The following F2RL3 variants were observed in gnomAD, a reference collection of about 807,000 sequenced individuals.
F2RL3 encodes F2R like thrombin or trypsin receptor 3, also known as proteinase-activated receptor 4.
In F2RL3, 3 loss-of-function variants were observed where a neutral mutation model predicts 4.9. The observed-to-expected ratio is 0.61, with a 90% confidence interval of 0.28 to 1.58. The LOEUF is 1.58. Among genes scored for constraint, F2RL3 ranks in the 40% most tolerant of loss-of-function variants. The pLI, the probability that F2RL3 is intolerant of heterozygous loss-of-function variation, is 0.11. For missense variants in F2RL3, 564 were observed against 550.4 expected, an observed-to-expected ratio of 1.02 and a Z score of -0.25; for synonymous variants, 284 against 278.4, an observed-to-expected ratio of 1.02 and a Z score of -0.20.
At chr19:16,889,470 T>C in intron 1 of F2RL3, 103 bp from the exon 2 acceptor site, 1 of 1,238,688 alleles carries the variant, frequency 8.1e-7, no homozygotes, top group South Asian at 1.4e-5. Flanking sequence ...CATGTCCAGC[T>C]GTTTCCCACC....
At position 16,890,489 on chromosome 19, in the gene F2RL3, C is replaced by T. The variant is rs762024920; in HGVS notation, c.1026C>T (p.Tyr342=). Residue 342 remains tyrosine, a synonymous_variant, in exon 2 of 2, where the codon TAC becomes TAT. Coordinates refer to ENST00000248076, the MANE Select transcript of F2RL3 (RefSeq NM_003950.4). ...GCGTGGATCCCTTCATCTACTACTACGTGTCGGCCGAGTTCAGGGACAAGG... is the reference window on the plus strand; with the variant it reads ...GCGTGGATCCCTTCATCTACTACTATGTGTCGGCCGAGTTCAGGGACAAGG... ...NSCVDPFIYY[Y]VSAEFRDKVR... The T allele has an allele frequency of 2.0e-5, 32 of 1,612,730 alleles. No homozygotes were observed. Among genetic ancestry groups the T allele is most frequent in the East Asian group, 4.5e-5 (2 of 44,876 alleles).
chr19:16,889,046 TG>T lies in F2RL3; in HGVS notation c.-141del. 1 of 578,290 alleles carries T rather than the reference TG, an allele frequency of 1.7e-6. No homozygotes were observed. The highest frequency in any genetic ancestry group is 2.9e-6 in the Non-Finnish European group (1 of 342,424). 35.8% of individuals were successfully genotyped at this position (578,290 alleles called of 1,614,324 possible). On this transcript the variant is annotated 5_prime_UTR_variant, in exon 1 of 2. Transcript: ENST00000248076. ...CGGGCTGGCTGGCAAGCGGCCCTGGTGGGTCTGCGGGGGCAGGGGCAGCCTT... is the reference window on the plus strand; with the variant it reads ...CGGGCTGGCTGGCAAGCGGCCCTGGTGGTCTGCGGGGGCAGGGGCAGCCTT...
Position 16,889,282 on chromosome 19 carries a change from C to G in F2RL3, c.93C>G (p.Ser31Arg). 1 of 1,594,678 alleles carries G rather than the reference C, an allele frequency of 6.3e-7. No homozygotes were observed. Among genetic ancestry groups the G allele is most frequent in the South Asian group, 1.1e-5 (1 of 87,824 alleles). Residue 31 changes from serine (S) to arginine (R), a missense_variant, in exon 1 of 2, where the codon AGC (serine) becomes AGG (arginine). Coordinates refer to ENST00000248076, the MANE Select transcript of F2RL3 (RefSeq NM_003950.4). ...QTPSVYDESG[S>R]TGGGDDSTPS... ...CCAGCGTCTACGACGAGAGCGGGAG[C>G]ACCGGAGGTGGTGATGGTGAGTGGT...
Position 16,890,085 on chromosome 19 carries a change from G to C in F2RL3, c.622G>C (p.Ala208Pro). ...TGCTTGGCTCATGGCGGCCGCCCTG[G>C]CACTGCCCCTGACACTGCAGCGGCA... ...MAAWLMAAAL[A>P]LPLTLQRQTF... is the part of the protein sequence containing the mutation. Residue 208 changes from alanine (A) to proline (P), a missense_variant, in exon 2 of 2, where the codon GCA (alanine) becomes CCA (proline). By Grantham distance (27) the Ala-to-Pro change is conservative. Coordinates refer to ENST00000248076, the MANE Select transcript of F2RL3 (RefSeq NM_003950.4). 1 of 1,597,290 alleles carries C rather than the reference G, an allele frequency of 6.3e-7. No homozygotes were observed. Among genetic ancestry groups the C allele is most frequent in the Middle Eastern group, 1.7e-4 (1 of 5,974 alleles).
rs771393071 is a variant in F2RL3, at chr19:16,889,565, T to C, written c.110-8T>C. The C allele has an allele frequency of 1.3e-6, 2 of 1,547,342 alleles. No homozygotes were observed. Among genetic ancestry groups the C allele is most frequent in the East Asian group, 2.3e-5 (1 of 44,138 alleles). Reference sequence around the variant, plus strand: ...CAGGGGCTGACTGAGGTCCCCTCTCTCTCCCAGACAGCACGCCCTCAATCC... The same window carrying C: ...CAGGGGCTGACTGAGGTCCCCTCTCCCTCCCAGACAGCACGCCCTCAATCC... On this transcript the variant is annotated splice_polypyrimidine_tract_variant and splice_region_variant and intron_variant, in intron 1 of 1. Coordinates refer to ENST00000248076, the MANE Select transcript of F2RL3 (RefSeq NM_003950.4).
chr19:16,889,896 G>A lies in F2RL3; in HGVS notation c.433G>A (p.Gly145Arg), dbSNP rs749245732. 1.5e-5 allele frequency: 24 copies of A among 1,582,630 alleles called. No individual in the cohort carries two copies. The highest frequency in any genetic ancestry group is 1.1e-4 in the Admixed American group (6 of 56,616). ...YHLRGQRWPF[G>R]EAACRLATAA... ...CCTGCGTGGCCAGCGCTGGCCCTTC[G>A]GGGAGGCCGCCTGCCGCCTGGCCAC... Residue 145 changes from glycine to arginine, a missense_variant, in exon 2 of 2, where the codon GGG (glycine) becomes AGG (arginine). Transcript: ENST00000248076.
In F2RL3 at chr19:16,890,712, A is replaced by G; in HGVS notation, c.*91A>G. 9.9e-7 allele frequency: 1 copy of G among 1,007,460 alleles called. No homozygotes were observed. The highest frequency in any genetic ancestry group is 1.4e-6 in the Non-Finnish European group (1 of 700,826). The allele number at this position is 1,007,460 out of a possible 1,614,324, so 62.4% of individuals were successfully genotyped here. A position where few individuals can be genotyped will look rare whatever the true frequency, so the allele number is the denominator to read the frequency against. ...GACCTCAGAATGTGACCTTATTTGG[A>G]AATAGGGTTGTTACAACTGTCACTA... On this transcript the variant is annotated 3_prime_UTR_variant, in exon 2 of 2. Coordinates refer to ENST00000248076, the MANE Select transcript of F2RL3 (RefSeq NM_003950.4).
At position 16,890,597 on chromosome 19, in the gene F2RL3, C is replaced by T. The variant is rs376378687; in HGVS notation, c.1134C>T (p.Gly378=). ...CGGAAGGGGGCAGCCGGGGCATGGG[C>T]ACCCACTCCTCTTTGCTCCAGTGAC... The part of the protein sequence containing the change: ...ASAEGGSRGM[G]THSSLLQ The change falls in exon 2 of 2, where the codon GGC becomes GGT. Residue 378 remains glycine, a synonymous_variant. Coordinates refer to ENST00000248076, the MANE Select transcript of F2RL3 (RefSeq NM_003950.4). The T allele has an allele frequency of 2.5e-4, 389 of 1,579,240 alleles. No individual in the cohort carries two copies. The highest frequency in any genetic ancestry group is 3.2e-4 in the Non-Finnish European group (376 of 1,165,338).
intron 1 of F2RL3, 61 bp from the exon 2 acceptor site, chr19:16,889,500 GAGCACCTCCCTC>G: frequency 7.0e-7 from 1 of 1,420,562 alleles, no homozygotes; most frequent in South Asian, 1.3e-5. Flanking sequence ...CCCAGGCTCT[GAGCACCTCCCTC>G]CCTGCTGCTT....
Position 16,890,651 on chromosome 19 carries a change from A to G in F2RL3, c.*30A>G. Reference sequence around the variant, plus strand: ...AAGTGGGGAAGGCTGTACTGGGTCGAACAGGGTCCCTTCCCCCACTTCACG... The same window carrying G: ...AAGTGGGGAAGGCTGTACTGGGTCGGACAGGGTCCCTTCCCCCACTTCACG... On this transcript the variant is annotated 3_prime_UTR_variant, in exon 2 of 2. Coordinates refer to ENST00000248076, the MANE Select transcript of F2RL3 (RefSeq NM_003950.4). The G allele has an allele frequency of 6.8e-7, 1 of 1,472,168 alleles. No individual in the cohort carries two copies. Among genetic ancestry groups the G allele is most frequent in the Non-Finnish European group, 9.1e-7 (1 of 1,094,230 alleles). 91.2% of individuals were successfully genotyped at this position (1,472,168 alleles called of 1,614,324 possible).
At position 16,890,656 on chromosome 19, in the gene F2RL3, G is replaced by C. The variant is rs535801356; in HGVS notation, c.*35G>C. 2 of 1,450,524 alleles carry C rather than the reference G, an allele frequency of 1.4e-6. No homozygotes were observed. Among genetic ancestry groups the C allele is most frequent in the African/African-American group, 1.4e-5 (1 of 71,300 alleles). 89.9% of individuals were successfully genotyped at this position (1,450,524 alleles called of 1,614,324 possible). On this transcript the variant is annotated 3_prime_UTR_variant, in exon 2 of 2. Coordinates refer to ENST00000248076, the MANE Select transcript of F2RL3 (RefSeq NM_003950.4). ...GGGAAGGCTGTACTGGGTCGAACAG[G>C]GTCCCTTCCCCCACTTCACGTCCTT...
rs760879099 is a variant in F2RL3 at position 16,889,200 on chromosome 19, G to A, written c.11G>A (p.Arg4Gln). Residue 4 changes from arginine to glutamine, a missense_variant, in exon 1 of 2, where the codon CGA becomes CAA. Arg to Gln is a conservative substitution (Grantham distance 43). Coordinates refer to ENST00000248076, the MANE Select transcript of F2RL3 (RefSeq NM_003950.4). Reference protein sequence around the residue: MWGRLLLWPLVLGF... With the variant: MWGQLLLWPLVLGF... ...AGCCTGAGTGCAGTCATGTGGGGGC[G>A]ACTGCTCCTGTGGCCCCTGGTGCTG... 18 of 1,570,104 alleles carry A rather than the reference G, an allele frequency of 1.1e-5. No individual in the cohort carries two copies. The highest frequency in any genetic ancestry group is 3.8e-5 in the Admixed American group (2 of 53,268).
chr19:16,889,776 C>A lies in F2RL3; in HGVS notation c.313C>A (p.Gln105Lys). The A allele has an allele frequency of 6.3e-7, 1 of 1,599,074 alleles. No individual in the cohort carries two copies. The highest frequency in any genetic ancestry group is 1.1e-5 in the South Asian group (1 of 90,676). The part of the protein sequence containing the change: ...NGLALWVLAT[Q>K]APRLPSTMLL... Reference sequence around the variant, plus strand: ...GCTGGCGCTGTGGGTGCTGGCCACGCAGGCACCTCGGCTGCCCTCCACCAT... The same window carrying A: ...GCTGGCGCTGTGGGTGCTGGCCACGAAGGCACCTCGGCTGCCCTCCACCAT... Residue 105 changes from glutamine (Q) to lysine (K), a missense_variant, in exon 2 of 2, where the codon CAG (glutamine) becomes AAG (lysine). Transcript: ENST00000248076.
In F2RL3 at chr19:16,889,173, G is replaced by A. The variant is rs1236943305; in HGVS notation, c.-17G>A. On this transcript the variant is annotated 5_prime_UTR_variant, in exon 1 of 2. Coordinates refer to ENST00000248076, the MANE Select transcript of F2RL3 (RefSeq NM_003950.4). ...AGGAAGCCTGAGGCCACAGCCCAGA[G>A]CAGCCTGAGTGCAGTCATGTGGGGG... 2.6e-6 allele frequency: 4 copies of A among 1,532,904 alleles called. No homozygotes were observed. The highest frequency in any genetic ancestry group is 2.6e-6 in the Non-Finnish European group (3 of 1,137,464). 95.0% of individuals were successfully genotyped at this position (1,532,904 alleles called of 1,614,324 possible).
chr19:16,889,417 TC>T (rs2051757285), intron 1 of F2RL3, 119 bp downstream of exon 1: 1 of 1,180,050 alleles, frequency 8.5e-7, no homozygotes, highest in Non-Finnish European at 1.2e-6. Context: ...CCACTCTGTA[TC>T]CCGTCTCTGA....
At position 16,890,592 on chromosome 19, in the gene F2RL3, A is replaced by T. The variant is rs1351044813; in HGVS notation, c.1129A>T (p.Met377Leu). 6.3e-7 allele frequency: 1 copy of T among 1,582,380 alleles called. No homozygotes were observed. The highest frequency in any genetic ancestry group is 8.6e-7 in the Non-Finnish European group (1 of 1,166,882). The change falls in exon 2 of 2, where the codon ATG becomes TTG. Residue 377 changes from methionine (M) to leucine (L), a missense_variant. By Grantham distance (15) the Met-to-Leu change is conservative. Transcript: ENST00000248076. ...CTCTGCGGAAGGGGGCAGCCGGGGCATGGGCACCCACTCCTCTTTGCTCCA... is the reference window on the plus strand; with the variant it reads ...CTCTGCGGAAGGGGGCAGCCGGGGCTTGGGCACCCACTCCTCTTTGCTCCA... ...KASAEGGSRG[M>L]GTHSSLLQ
chr19:16,890,668 C>T lies in F2RL3; in HGVS notation c.*47C>T. The T allele has an allele frequency of 1.5e-6, 2 of 1,335,154 alleles. No individual in the cohort carries two copies. The highest frequency in any genetic ancestry group is 1.3e-5 in the South Asian group (1 of 74,124). The allele number at this position is 1,335,154 out of a possible 1,614,324, so 82.7% of individuals were successfully genotyped here. A position where few individuals can be genotyped will look rare whatever the true frequency, so the allele number is the denominator to read the frequency against. On this transcript the variant is annotated 3_prime_UTR_variant, in exon 2 of 2. Transcript: ENST00000248076. ...CTGGGTCGAACAGGGTCCCTTCCCC[C>T]ACTTCACGTCCTTCCTGGGACCTCA...
At position 16,890,818 on chromosome 19, in the gene F2RL3, G is replaced by C. The variant is rs2051782047; in HGVS notation, c.*197G>C. Reference sequence around the variant, plus strand: ...ATAAGATAAGGAGAGGCCAGGCCTGGTGGCTCACGCCTGTAATCCCAGCAC... The same window carrying C: ...ATAAGATAAGGAGAGGCCAGGCCTGCTGGCTCACGCCTGTAATCCCAGCAC... On this transcript the variant is annotated 3_prime_UTR_variant, in exon 2 of 2. Transcript: ENST00000248076. The C allele has an allele frequency of 3.4e-6, 2 of 595,162 alleles. No individual in the cohort carries two copies. Among genetic ancestry groups the C allele is most frequent in the South Asian group, 4.1e-5 (2 of 49,294 alleles). 36.9% of individuals were successfully genotyped at this position (595,162 alleles called of 1,614,324 possible).
In F2RL3 at chr19:16,889,984, G is replaced by A. The variant is rs758248724; in HGVS notation, c.521G>A (p.Arg174His). The A allele has an allele frequency of 5.6e-6, 9 of 1,597,728 alleles. No individual in the cohort carries two copies. Among genetic ancestry groups the A allele is most frequent in the South Asian group, 4.4e-5 (4 of 90,120 alleles). The change falls in exon 2 of 2, where the codon CGC becomes CAC. Residue 174 changes from arginine (R) to histidine (H), a missense_variant. Arg to His is a conservative substitution (Grantham distance 29). Coordinates refer to ENST00000248076, the MANE Select transcript of F2RL3 (RefSeq NM_003950.4). ...CTGCTGGCCGCCGTCAGCCTGGATC[G>A]CTACCTGGCCCTGGTGCACCCGCTG... ...VLLLAAVSLDRYLALVHPLRA... is the reference protein window; with the variant it reads ...VLLLAAVSLDHYLALVHPLRA...
Sources: allele counts gnomAD v4.1 joint callset, GRCh38; gene constraint gnomAD v4.1.1; transcripts MANE v1.5; gene names NCBI Gene and HGNC (gene_info 2026-07-23, HGNC 2026-07-21).